Variants in KCNJ6 observed in about 807,000 individuals in gnomAD.
The protein encoded by KCNJ6 is G protein-activated inward rectifier potassium channel 2.
Under a neutral mutation model 34.2 loss-of-function variants are expected in KCNJ6, and 9 were observed. The observed-to-expected ratio is 0.26, with a 90% CI of 0.16 to 0.46. KCNJ6 has a LOEUF of 0.46. Among genes scored for constraint, KCNJ6 ranks in the 20% least tolerant of loss-of-function variants. The pLI is 1.00. For missense variants in KCNJ6, 236 were observed against 531.3 expected (o/e 0.44, Z 5.46); for synonymous variants, 196 against 207.1 (o/e 0.95, Z 0.46).
At chr21:37,878,058 G>A (rs2055687845) in intron 1 of KCNJ6, among the ~76,000 whole-genome samples, 1 of 152,240 alleles carries the variant, frequency 6.6e-6, no homozygotes, top group Non-Finnish European at 1.5e-5. Flanking sequence ...GTTTCATTTA[G>A]AGACAGCTCT....
chr21:37,803,064 T>G (rs930378373), intron 2 of KCNJ6, among the ~76,000 whole-genome samples: 1 of 152,212 alleles, frequency 6.6e-6, no homozygotes, highest in Non-Finnish European at 1.5e-5. Flanking sequence ...AAATTTCAAA[T>G]AGTTGACGTC....
chr21:37,659,760 T>C (rs2054479875), intron 3 of KCNJ6, among the ~76,000 whole-genome samples: 1 of 152,240 alleles, frequency 6.6e-6, no homozygotes, highest in South Asian at 2.1e-4. Context: ...TATGACTCTT[T>C]CTAACGTTTG....
chr21:37,740,017 T>C (rs1347522241), intron 2 of KCNJ6, among the ~76,000 whole-genome samples: 1 of 152,164 alleles, frequency 6.6e-6, no homozygotes, highest in Non-Finnish European at 1.5e-5. Context: ...TGTTCTTTCC[T>C]GCTAAGCCCA....
chr21:37,677,502 T>G (rs2054569901), intron 3 of KCNJ6, among the ~76,000 whole-genome samples: 1 of 152,184 alleles, frequency 6.6e-6, no homozygotes, highest in African/African-American at 2.4e-5. Context: ...CTCCTTTCCC[T>G]TTCTTTCTTC....
chr21:37,870,833 A>C (rs1170668806), intron 1 of KCNJ6, among the ~76,000 whole-genome samples: 4 of 152,162 alleles, frequency 2.6e-5, no homozygotes, highest in Non-Finnish European at 5.9e-5. Flanking sequence ...CTCTTCCTAC[A>C]GCTTCTGCAC....
chr21:37,899,988 C>T (rs556587604), intron 1 of KCNJ6, among the ~76,000 whole-genome samples: 4 of 152,254 alleles, frequency 2.6e-5, no homozygotes, highest in Non-Finnish European at 2.9e-5. Context: ...AATGACCTGT[C>T]CAGCTTCTTT....
intron 1 of KCNJ6, among the ~76,000 whole-genome samples, chr21:37,856,661 A>G (rs1413755883): frequency 6.6e-6 from 1 of 152,228 alleles, no homozygotes; most frequent in East Asian, 1.9e-4. Flanking sequence ...AATGTGACAA[A>G]TGTTTACAAA....
chr21:37,822,113 C>T (rs2055375679), intron 2 of KCNJ6, among the ~76,000 whole-genome samples: 1 of 152,198 alleles, frequency 6.6e-6, no homozygotes, highest in African/African-American at 2.4e-5. Context: ...AGCTACTATT[C>T]TCAGGTGAGC....
chr21:37,649,273 C>T (rs1437053893), intron 3 of KCNJ6, among the ~76,000 whole-genome samples: 1 of 152,032 alleles, frequency 6.6e-6, no homozygotes, highest in Admixed American at 6.6e-5. Context: ...GGAGTTCCGA[C>T]CCAAGGAATC....
At chr21:37,722,414 A>AT (rs1305915097) in intron 2 of KCNJ6, among the ~76,000 whole-genome samples, 1 of 152,216 alleles carries the variant, frequency 6.6e-6, no homozygotes, top group Non-Finnish European at 1.5e-5. Flanking sequence ...TACCAATGTC[A>AT]TTTTTCACAG....
At position 37,638,796 on chromosome 21, in the gene KCNJ6, A is replaced by G. The variant is rs549777982; in HGVS notation, c.947-13312T>C. 1.7e-3 allele frequency among the ~76,000 whole-genome samples: 264 copies of G among 152,340 alleles called. 1 individual carries two copies. The highest frequency in any genetic ancestry group is 6.1e-3 in the African/African-American group (255 of 41,574). On this transcript the variant is annotated intron_variant, in intron 3 of 3. Transcript: ENST00000609713. ...CGAGATAGCCCCAAATCAAATCTCA[A>G]ACTGCAGGAAACTTCTTCAAATTCT...
intron 1 of KCNJ6, among the ~76,000 whole-genome samples, chr21:37,878,621 T>C (rs1407263929): frequency 6.6e-6 from 1 of 152,208 alleles, no homozygotes; most frequent in African/African-American, 2.4e-5. Context: ...CACCAGAAAG[T>C]AGGAAACTTG....
chr21:37,817,386 T>C (rs1203495456), intron 2 of KCNJ6, among the ~76,000 whole-genome samples: 1 of 152,172 alleles, frequency 6.6e-6, no homozygotes, highest in African/African-American at 2.4e-5. Flanking sequence ...ATGAAAATGG[T>C]TAGAAAGGCC....
chr21:37,854,222 G>A (rs903255792), intron 1 of KCNJ6, among the ~76,000 whole-genome samples: 1 of 151,538 alleles, frequency 6.6e-6, no homozygotes, highest in Admixed American at 6.6e-5. Context: ...TGGGTAGATT[G>A]AAAGTAAAAA....
rs200506447 is a variant in KCNJ6 at position 37,617,012 on chromosome 21, CTT to C, written c.*8145_*8146del. The C allele has an allele frequency of 3.5e-5, 1 of 28,850 alleles. No homozygotes were observed. The highest frequency in any genetic ancestry group is 1.7e-3 in the South Asian group (1 of 596). 1.8% of individuals were successfully genotyped at this position (28,850 alleles called of 1,614,324 possible). The stretch of plus-strand genomic sequence containing the variant: ...CTTTCTTTCTTTCTCTTTCTTTTCT[CTT>C]TCTTTCTTTCTTTCTTTCTTTCTTT... On this transcript the variant is annotated 3_prime_UTR_variant, in exon 4 of 4. Transcript: ENST00000609713.
At chr21:37,776,015 C>T (rs2055140447) in intron 2 of KCNJ6, among the ~76,000 whole-genome samples, 1 of 152,174 alleles carries the variant, frequency 6.6e-6, no homozygotes, top group South Asian at 2.1e-4. Flanking sequence ...TTTGTATCGT[C>T]TTTTATTTCA....
chr21:37,760,261 T>C (rs2055054008), intron 2 of KCNJ6, among the ~76,000 whole-genome samples: 1 of 152,184 alleles, frequency 6.6e-6, no homozygotes, highest in South Asian at 2.1e-4. Flanking sequence ...TAGGTAGCAA[T>C]GGAGGATTAA....
chr21:37,864,287 T>C (rs2055610946), intron 1 of KCNJ6, among the ~76,000 whole-genome samples: 3 of 151,920 alleles, frequency 2.0e-5, no homozygotes, highest in African/African-American at 7.3e-5. Context: ...AATTTTTGTA[T>C]TTTTAGGAGA....
At chr21:37,661,254 G>A (rs2054486896) in intron 3 of KCNJ6, among the ~76,000 whole-genome samples, 1 of 152,168 alleles carries the variant, frequency 6.6e-6, no homozygotes, top group Non-Finnish European at 1.5e-5. Flanking sequence ...TGTCTATAAT[G>A]ACTAGTAACA....
Sources: gnomAD v4.1 joint callset for allele counts (sites outside exome capture counted in the v4.1 genomes callset) on GRCh38, gnomAD v4.1.1 for gene constraint, MANE v1.5 for transcripts, NCBI Gene and HGNC (gene_info 2026-07-23, HGNC 2026-07-21) for gene names.